The following MRPS18C variants were observed in gnomAD, a reference collection of about 807,000 sequenced individuals.
The protein encoded by MRPS18C is mitochondrial ribosomal protein S18C.
A neutral mutation model predicts 21.0 loss-of-function variants in MRPS18C; 21 were observed. The ratio of observed to expected loss-of-function variants is 1.00; its 90% CI spans 0.71 to 1.44. MRPS18C has a LOEUF of 1.44. Among genes scored for constraint, MRPS18C ranks in the 40% most tolerant of loss-of-function variants. The pLI is 0.00. For synonymous variants in MRPS18C, 65 were observed against 54.3 expected, an observed-to-expected ratio of 1.20 and a Z score of -0.87; for missense variants, 152 against 171.5, an observed-to-expected ratio of 0.89 and a Z score of 0.64.
chr4:83,462,189 G>C lies in MRPS18C; in HGVS notation c.*992G>C, dbSNP rs1484346509. ...ATTACAGGTGTGAGCCACTGTGCCT[G>C]GTCTCACTTTTCCAATTCTAAAGAA... On this transcript the variant is annotated 3_prime_UTR_variant, in exon 6 of 6. Transcript: ENST00000295491. The C allele has an allele frequency of 2.9e-5, 11 of 376,370 alleles. No individual in the cohort carries two copies. Among genetic ancestry groups the C allele is most frequent in the Non-Finnish European group, 4.3e-5 (9 of 208,424 alleles). 23.3% of individuals were successfully genotyped at this position (376,370 alleles called of 1,614,324 possible).
intron 3 of MRPS18C, chr4:83,458,638 T>C: frequency 2.4e-6 from 1 of 419,822 alleles, no homozygotes; most frequent in Non-Finnish European, 4.1e-6. Context: ...TACTGTTATT[T>C]CCACTCTGTT....
intron 4 of MRPS18C, chr4:83,460,673 G>T (rs1722059261): frequency 3.3e-6 from 1 of 305,194 alleles, no homozygotes; most frequent in Non-Finnish European, 6.2e-6. Context: ...GGAGGCTGAG[G>T]TGGGCAGATC....
chr4:83,456,979 T>G, intron 2 of MRPS18C, 21 bp downstream of exon 2: 1 of 1,606,030 alleles, frequency 6.2e-7, no homozygotes, highest in South Asian at 1.1e-5. Context: ...TTTTTTCTAT[T>G]AGTAAGGCCT....
chr4:83,459,530 G>A lies in MRPS18C; in HGVS notation c.235-210G>A, dbSNP rs140730978. 3.5e-5 allele frequency: 16 copies of A among 463,720 alleles called. No homozygotes were observed. The East Asian group carries it at 6.0e-4, about 17-fold the overall frequency. The allele number at this position is 463,720 out of a possible 1,614,324, so 28.7% of individuals were successfully genotyped here. A position where few individuals can be genotyped will look rare whatever the true frequency, so the allele number is the denominator to read the frequency against. ...ATTGAATGAATATGCTGATTAATCT[G>A]CTGTTTAATTATATATAGACTTGAC... On this transcript the variant is annotated intron_variant, in intron 3 of 5. Transcript: ENST00000295491.
chr4:83,456,181 A>C lies in MRPS18C; in HGVS notation c.100+4A>C. On this transcript the variant is annotated splice_donor_region_variant and intron_variant, in intron 1 of 5. Coordinates refer to ENST00000295491, the MANE Select transcript of MRPS18C (RefSeq NM_016067.4). ...ACACATCCCGGGACTCACACGGGTA[A>C]AGTCTCCATATCCTATGCTCCATTG... 6 of 1,611,256 alleles carry C rather than the reference A, an allele frequency of 3.7e-6. No individual in the cohort carries two copies. Among genetic ancestry groups the C allele is most frequent in the Non-Finnish European group, 5.1e-6 (6 of 1,177,452 alleles).
At chr4:83,457,117 T>C (rs948460028) in intron 2 of MRPS18C, 159 bp downstream of exon 2, 2 of 579,168 alleles carry the variant, frequency 3.5e-6, no homozygotes, top group African/African-American at 3.8e-5. Flanking sequence ...TACTCTGAGT[T>C]CAGAAATGAT....
intron 1 of MRPS18C, among the ~76,000 whole-genome samples, 199 bp from the exon 2 acceptor site, chr4:83,456,710 C>T (rs1228223660): frequency 6.6e-6 from 1 of 152,010 alleles, no homozygotes; most frequent in Admixed American, 6.6e-5. Context: ...TGTTCTTTTC[C>T]CCCTAAGCCC....
rs189263081 is a variant in MRPS18C, at chr4:83,458,484, C to T, written c.234+55C>T. On this transcript the variant is annotated intron_variant, in intron 3 of 5. Coordinates refer to ENST00000295491, the MANE Select transcript of MRPS18C (RefSeq NM_016067.4). ...TAGGGTTTTGCTTCTGATAGATCTG[C>T]TTAAAGAGAATCAAGTCAGTTTATA... is the stretch of plus-strand genomic sequence containing the variant. 190 of 1,336,442 alleles carry T rather than the reference C, an allele frequency of 1.4e-4. 1 individual carries two copies. The African/African-American group carries it at 2.6e-3, about 18-fold the overall frequency. 82.8% of individuals were successfully genotyped at this position (1,336,442 alleles called of 1,614,324 possible).
intron 2 of MRPS18C, 118 bp downstream of exon 2, chr4:83,457,076 G>C (rs1391263299): frequency 2.5e-6 from 2 of 807,152 alleles, no homozygotes; most frequent in African/African-American, 1.7e-5. Flanking sequence ...CTTGAATAGA[G>C]TTCTGCCGTA....
At chr4:83,456,827 T>A in intron 1 of MRPS18C, 82 bp from the exon 2 acceptor site, 3 of 1,373,410 alleles carry the variant, frequency 2.2e-6, no homozygotes, top group Non-Finnish European at 3.1e-6. Context: ...CCTTAATTCA[T>A]CCTGTCTCCA....
At chr4:83,457,177 T>C (rs1423353221) in intron 2 of MRPS18C, 1 of 423,816 alleles carries the variant, frequency 2.4e-6, no homozygotes, top group East Asian at 3.6e-5. Context: ...AGTAGGGGAA[T>C]TCCTAGATTA....
Position 83,462,257 on chromosome 4 carries a change from G to T in MRPS18C, c.*1060G>T. 1 of 518,872 alleles carries T rather than the reference G, an allele frequency of 1.9e-6. No individual in the cohort carries two copies. Among genetic ancestry groups the T allele is most frequent in the Non-Finnish European group, 3.4e-6 (1 of 295,284 alleles). 32.1% of individuals were successfully genotyped at this position (518,872 alleles called of 1,614,324 possible). The stretch of plus-strand genomic sequence containing the variant: ...TCCCCTCAACAACTTAGTGAAAGGT[G>T]AAAAAAAGGTTTGGAAATAAAAGCA... On this transcript the variant is annotated 3_prime_UTR_variant, in exon 6 of 6. Transcript: ENST00000295491.
intron 1 of MRPS18C, 80 bp downstream of exon 1, chr4:83,456,257 A>G: frequency 8.8e-7 from 1 of 1,135,788 alleles, no homozygotes; most frequent in Non-Finnish European, 1.3e-6. Context: ...CGTCCCTGTT[A>G]GCAAAACGAC....
At position 83,456,959 on chromosome 4, in the gene MRPS18C, G is replaced by T; in HGVS notation, c.150+1G>T. 1 of 1,611,206 alleles carries T rather than the reference G, an allele frequency of 6.2e-7. No homozygotes were observed. The highest frequency in any genetic ancestry group is 8.5e-7 in the Non-Finnish European group (1 of 1,179,550). ...ACAGGTATCCAGCAATGAGGACCTG[G>T]TAAGAATTTTTTTTTCTATTAGTAA... On this transcript the variant is annotated splice_donor_variant, in intron 2 of 5. Coordinates refer to ENST00000295491, the MANE Select transcript of MRPS18C (RefSeq NM_016067.4). LOFTEE classifies it high-confidence loss of function.
Position 83,456,173 on chromosome 4 carries a change from C to T in MRPS18C, c.96C>T (p.His32=). Residue 32 remains histidine (H), a synonymous_variant, in exon 1 of 6, where the codon CAC becomes CAT. Coordinates refer to ENST00000295491, the MANE Select transcript of MRPS18C (RefSeq NM_016067.4). ...TCAGCCTTACACATCCCGGGACTCACACGGGTAAAGTCTCCATATCCTATG... is the reference window on the plus strand; with the variant it reads ...TCAGCCTTACACATCCCGGGACTCATACGGGTAAAGTCTCCATATCCTATG... The part of the protein sequence containing the change: ...AAVSLTHPGT[H]TVLWRRGCSQ... 1.2e-6 allele frequency: 2 copies of T among 1,613,606 alleles called. No homozygotes were observed. Among genetic ancestry groups the T allele is most frequent in the East Asian group, 2.2e-5 (1 of 44,876 alleles).
intron 3 of MRPS18C, 186 bp downstream of exon 3, chr4:83,458,615 G>A: frequency 2.2e-6 from 1 of 450,974 alleles, no homozygotes; most frequent in South Asian, 3.3e-5. Context: ...AAGCACCTTG[G>A]CTTTCCCCCA....
At chr4:83,460,139 T>A (rs191550579) in intron 4 of MRPS18C, 37 of 170,846 alleles carry the variant, frequency 2.2e-4, no homozygotes, top group African/African-American at 8.6e-4. Context: ...TTATCTTGAT[T>A]AGGTTCATCA....
intron 3 of MRPS18C, 29 bp from the exon 4 acceptor site, chr4:83,459,711 T>TTTCCCCTCCACATAAAAC: frequency 6.3e-7 from 1 of 1,588,822 alleles, no homozygotes; most frequent in Non-Finnish European, 8.6e-7. Context: ...GATACTTTTT[T>TTTCCCCTCCACATAAAAC]TTCCCCTCCA....
chr4:83,457,941 T>C, intron 2 of MRPS18C: 1 of 192,738 alleles, frequency 5.2e-6, no homozygotes, highest in South Asian at 9.3e-5. Context: ...ATTATCTGTG[T>C]ATAAAAATAG....
Sources: allele counts gnomAD v4.1 joint callset (sites outside exome capture counted in the v4.1 genomes callset), GRCh38; gene constraint gnomAD v4.1.1; transcripts MANE v1.5; gene names NCBI Gene and HGNC (gene_info 2026-07-23, HGNC 2026-07-21).